Variants in SPIDR observed in about 807,000 individuals in gnomAD.
SPIDR encodes the protein DNA repair-scaffolding protein.
A neutral mutation model predicts 104.6 loss-of-function variants in SPIDR; 93 were observed. The ratio of observed to expected loss-of-function variants is 0.89; its 90% CI spans 0.75 to 1.06. The LOEUF (loss-of-function observed/expected upper bound fraction) is 1.06, where lower values mean the gene tolerates loss of function less well. Among genes scored for constraint, SPIDR ranks in the 50% least tolerant of loss-of-function variants. The pLI, the probability that SPIDR is intolerant of heterozygous loss-of-function variation, is 0.00. For missense variants in SPIDR, 1,154 were observed against 1,111.2 expected (o/e 1.04, Z -0.55); for synonymous variants, 431 against 416.9 (o/e 1.03, Z -0.41).
At chr8:47,649,046 T>C (rs908111887) in intron 10 of SPIDR, among the ~76,000 whole-genome samples, 3 of 152,074 alleles carry the variant, frequency 2.0e-5, no homozygotes, top group Non-Finnish European at 4.4e-5. Flanking sequence ...GTCATCAGTA[T>C]TGGGACAAAT....
chr8:47,386,962 T>TAGATAC (rs2060022560), intron 5 of SPIDR, among the ~76,000 whole-genome samples: 1 of 139,536 alleles, frequency 7.2e-6, no homozygotes, highest in African/African-American at 2.7e-5. Context: ...GATATAGATA[T>TAGATAC]AGATACAGAT....
intron 5 of SPIDR, among the ~76,000 whole-genome samples, chr8:47,358,360 T>C (rs1211345449): frequency 1.3e-5 from 2 of 152,232 alleles, no homozygotes. Flanking sequence ...GTTGCTAGGA[T>C]CACAGATGTG....
intron 8 of SPIDR, among the ~76,000 whole-genome samples, chr8:47,445,642 CTCTTGTGCCAGTTAGGCT>C (rs1193609982): frequency 2.2e-4 from 33 of 152,184 alleles, no homozygotes; most frequent in African/African-American, 5.8e-4. Flanking sequence ...AAAGCTAGGC[CTCTTGTGCCAGTTAGGCT>C]TCTTGTGCCA....
chr8:47,307,497 G>A (rs2043286721), intron 5 of SPIDR, among the ~76,000 whole-genome samples: 1 of 146,860 alleles, frequency 6.8e-6, no homozygotes, highest in Non-Finnish European at 1.5e-5. Context: ...GGGATTACAG[G>A]TGTGAGCCAC....
At chr8:47,416,922 A>C (rs537148149) in intron 7 of SPIDR, among the ~76,000 whole-genome samples, 155 of 152,162 alleles carry the variant, frequency 1.0e-3, no homozygotes, top group African/African-American at 3.4e-3. Flanking sequence ...GATGGTTTCC[A>C]GCTTCATCCA....
At chr8:47,700,681 C>G (rs2080044504) in intron 12 of SPIDR, among the ~76,000 whole-genome samples, 191 bp downstream of exon 12, 1 of 152,214 alleles carries the variant, frequency 6.6e-6, no homozygotes, top group Admixed American at 6.5e-5. Context: ...TGCCTGGAGA[C>G]CAAGCTCTGG....
chr8:47,438,041 A>G (rs1211490495), intron 7 of SPIDR, among the ~76,000 whole-genome samples: 4 of 152,232 alleles, frequency 2.6e-5, no homozygotes, highest in African/African-American at 9.6e-5. Flanking sequence ...AAAATCTGTC[A>G]GGGTCTATGG....
chr8:47,312,613 G>A (rs587633915), intron 5 of SPIDR, among the ~76,000 whole-genome samples: 1 of 152,138 alleles, frequency 6.6e-6, no homozygotes, highest in African/African-American at 2.4e-5. Context: ...GTAGATTCTG[G>A]ATATTAGCCC....
At chr8:47,594,769 G>A (rs755949825) in intron 8 of SPIDR, among the ~76,000 whole-genome samples, 3 of 152,040 alleles carry the variant, frequency 2.0e-5, no homozygotes, top group Non-Finnish European at 4.4e-5. Context: ...CAAGGTGGGT[G>A]GATCACTTGA....
chr8:47,509,996 G>A (rs2082071115), intron 8 of SPIDR, among the ~76,000 whole-genome samples: 1 of 152,096 alleles, frequency 6.6e-6, no homozygotes, highest in African/African-American at 2.4e-5. Flanking sequence ...TACAATTTGT[G>A]TCATGTCAAA....
intron 11 of SPIDR, among the ~76,000 whole-genome samples, chr8:47,676,457 G>A (rs1485437146): frequency 6.6e-6 from 1 of 151,214 alleles, no homozygotes; most frequent in East Asian, 1.9e-4. Flanking sequence ...AATGTGGGAT[G>A]TTATAATTGC....
intron 16 of SPIDR, among the ~76,000 whole-genome samples, chr8:47,716,127 G>A (rs1334686978): frequency 6.6e-6 from 1 of 151,856 alleles, no homozygotes; most frequent in African/African-American, 2.4e-5. Flanking sequence ...ACCACACCTG[G>A]CTACTTTTTG....
chr8:47,679,839 C>A (rs1203816951), intron 11 of SPIDR, among the ~76,000 whole-genome samples: 1 of 152,214 alleles, frequency 6.6e-6, no homozygotes, highest in Non-Finnish European at 1.5e-5. Flanking sequence ...GGTGCTGTTT[C>A]TCATTTACCG....
intron 5 of SPIDR, among the ~76,000 whole-genome samples, chr8:47,373,179 TCTC>T (rs1228794564): frequency 6.6e-6 from 1 of 152,046 alleles, no homozygotes; most frequent in Non-Finnish European, 1.5e-5. Context: ...CAGATAGGAG[TCTC>T]CTATTTCCTA....
chr8:47,287,892 C>T (rs1252164843), intron 3 of SPIDR, among the ~76,000 whole-genome samples: 1 of 152,056 alleles, frequency 6.6e-6, no homozygotes, highest in Non-Finnish European at 1.5e-5. Context: ...TAAAGACAGG[C>T]ATAAGAAATT....
chr8:47,265,166 T>G (rs1359686815), intron 1 of SPIDR, among the ~76,000 whole-genome samples: 3 of 151,520 alleles, frequency 2.0e-5, no homozygotes, highest in Admixed American at 6.6e-5. Context: ...ATTAGACTAC[T>G]TAGTATTGAC....
chr8:47,588,152 C>T (rs2060527571), intron 8 of SPIDR, among the ~76,000 whole-genome samples: 1 of 132,762 alleles, frequency 7.5e-6, no homozygotes, highest in African/African-American at 2.7e-5. Flanking sequence ...CCTATAGATC[C>T]ATTTGGGGAG....
intron 5 of SPIDR, among the ~76,000 whole-genome samples, chr8:47,339,970 C>T (rs921338001): frequency 1.2e-4 from 18 of 152,232 alleles, no homozygotes; most frequent in Middle Eastern, 3.4e-3. Context: ...TGAGCCACCG[C>T]GCCTGGACTG....
In SPIDR at chr8:47,398,895, T is replaced by A. The variant is rs1475996777; in HGVS notation, c.776+2269T>A. 2.6e-5 allele frequency among the ~76,000 whole-genome samples: 4 copies of A among 151,872 alleles called. No individual in the cohort carries two copies. In the East Asian group the frequency reaches 7.8e-4, roughly 29 times the overall value. On this transcript the variant is annotated intron_variant, in intron 6 of 19. Transcript: ENST00000297423. ...TGCTGAGGCAAGTGAGGAGAGAGGGTGACCCACTGTGACAGATGCTGCCAG... is the reference window on the plus strand; with the variant it reads ...TGCTGAGGCAAGTGAGGAGAGAGGGAGACCCACTGTGACAGATGCTGCCAG...
Sources: allele counts gnomAD v4.1 joint callset (sites outside exome capture counted in the v4.1 genomes callset), GRCh38; gene constraint gnomAD v4.1.1; transcripts MANE v1.5; gene names NCBI Gene and HGNC (gene_info 2026-07-23, HGNC 2026-07-21).